The following TBX1 variants were observed in gnomAD, a reference collection of about 807,000 sequenced individuals.
TBX1 encodes T-box transcription factor TBX1.
A neutral mutation model predicts 40.8 loss-of-function variants in TBX1; 16 were observed. The ratio of observed to expected loss-of-function variants is 0.39; its 90% CI spans 0.27 to 0.60. TBX1 has a LOEUF of 0.60. TBX1 is among the 20% of genes least tolerant of loss of function. TBX1 has a pLI of 0.51. For missense variants in TBX1, 755 were observed against 728.5 expected, an observed-to-expected ratio of 1.04 and a Z score of -0.42; for synonymous variants, 403 against 336.8, an observed-to-expected ratio of 1.20 and a Z score of -2.15.
At chr22:19,767,813 G>C (rs1936914338), downstream of TBX1, among the ~76,000 whole-genome samples, 1 of 152,242 alleles carries the variant, frequency 6.6e-6, no homozygotes, top group South Asian at 2.1e-4. Flanking sequence ...CCCCTGACCG[G>C]GATGGGGTCA....
downstream of TBX1, among the ~76,000 whole-genome samples, chr22:19,770,049 G>A (rs35973679): frequency 0.52 from 79,435 of 151,920 alleles, 21,317 homozygotes; most frequent in African/African-American, 0.62. Context: ...TCGTCCCACC[G>A]CTGTTCCCCC....
At chr22:19,765,857 G>C (rs550907643) in intron 5 of TBX1, 32 bp downstream of exon 5, 241 of 1,577,014 alleles carry the variant, frequency 1.5e-4, no homozygotes, top group Non-Finnish European at 1.9e-4. Context: ...AGTGAGCGCC[G>C]GGCGCCTGGC....
chr22:19,761,379 C>CG, intron 1 of TBX1, 99 bp downstream of exon 1: 1 of 1,294,298 alleles, frequency 7.7e-7, no homozygotes, highest in Non-Finnish European at 9.8e-7. Context: ...AAAGCCGGGT[C>CG]GGGGGCGCGG....
At chr22:19,768,953 CTTTTT>C (rs36085623), downstream of TBX1, among the ~76,000 whole-genome samples, 1,198 of 66,082 alleles carry the variant, frequency 0.018, 25 homozygotes, top group East Asian at 0.058. Context: ...TGTTCGCATT[CTTTTT>C]TTTTTTTTTT....
In TBX1 at chr22:19,765,626, G is replaced by A. The variant is rs1363862272; in HGVS notation, c.868-132G>A. On this transcript the variant is annotated intron_variant, in intron 4 of 6. Coordinates refer to ENST00000649276, the MANE Select transcript of TBX1 (RefSeq NM_001379200.1). ...CCAGCTCCGTAGAGGAGGGGCAGAC[G>A]TGGACTGGTTCTTGTCAGGGCAGCA... 9 of 981,460 alleles carry A rather than the reference G, an allele frequency of 9.2e-6. No homozygotes were observed. The South Asian group carries it at 1.1e-4, about 12-fold the overall frequency. The allele number at this position is 981,460 out of a possible 1,614,324, so 60.8% of individuals were successfully genotyped here.
intron 2 of TBX1, 35 bp from the exon 3 acceptor site, chr22:19,764,120 C>T: frequency 6.2e-7 from 1 of 1,611,416 alleles, no homozygotes; most frequent in South Asian, 1.1e-5. Flanking sequence ...CTGGGTTCAC[C>T]TCCACATGCA....
downstream of TBX1, chr22:19,767,335 G>A (rs1936899816): frequency 1.0e-6 from 1 of 987,656 alleles, no homozygotes; most frequent in Non-Finnish European, 1.2e-6. Flanking sequence ...TCTTTTGGAA[G>A]CCGCCTGCGT....
chr22:19,763,082 A>G (rs1482687409), intron 1 of TBX1, among the ~76,000 whole-genome samples, 159 bp from the exon 2 acceptor site: 1 of 152,090 alleles, frequency 6.6e-6, no homozygotes, highest in Non-Finnish European at 1.5e-5. Context: ...CCCAGATTAG[A>G]GCAGCTAAGC....
In TBX1 at chr22:19,761,119, C is replaced by T; in HGVS notation, c.276C>T (p.Ala92=). 7.7e-7 allele frequency: 1 copy of T among 1,292,938 alleles called. No individual in the cohort carries two copies. The highest frequency in any genetic ancestry group is 1.0e-6 in the Non-Finnish European group (1 of 1,003,928). 80.1% of individuals were successfully genotyped at this position (1,292,938 alleles called of 1,614,324 possible). A position where few individuals can be genotyped will look rare whatever the true frequency, so the allele number is the denominator to read the frequency against. Residue 92 remains alanine, a synonymous_variant, in exon 1 of 7, where the codon GCC becomes GCT. Transcript: ENST00000649276. ...APAAGAATSA[A]AEPEGPGASC... ...CCGCCGGGGCCGCCACCAGCGCCGC[C>T]GCCGAGCCCGAGGGCCCCGGGGCCA...
chr22:19,759,248 G>C (rs1030983014), upstream of TBX1, among the ~76,000 whole-genome samples: 2 of 152,238 alleles, frequency 1.3e-5, no homozygotes, highest in African/African-American at 2.4e-5. Flanking sequence ...ATGGAGGAAG[G>C]GGGCAGGGAG....
downstream of TBX1, chr22:19,782,839 T>C: frequency 1.2e-6 from 2 of 1,613,054 alleles, no homozygotes; most frequent in South Asian, 2.2e-5. Context: ...CAAGCCTTAT[T>C]TGATAAAGGC....
downstream of TBX1, chr22:19,767,418 C>G: frequency 1.0e-6 from 1 of 983,132 alleles, no homozygotes; most frequent in Non-Finnish European, 1.2e-6. Context: ...GCTCAGGGCC[C>G]TCAGGGCCTC....
chr22:19,769,629 C>G (rs1256549579), downstream of TBX1, among the ~76,000 whole-genome samples: 1 of 152,260 alleles, frequency 6.6e-6, no homozygotes, highest in African/African-American at 2.4e-5. Context: ...GCCCCAGCCA[C>G]TACCGTTCCT....
At chr22:19,763,468 C>T in intron 2 of TBX1, 126 bp downstream of exon 2, 1 of 785,086 alleles carries the variant, frequency 1.3e-6, no homozygotes, top group Non-Finnish European at 2.1e-6. Flanking sequence ...GCGATGCTGC[C>T]CGATCAACCC....
intron 1 of TBX1, 129 bp downstream of exon 1, chr22:19,761,409 C>T: frequency 8.1e-7 from 1 of 1,238,242 alleles, no homozygotes; most frequent in South Asian, 2.8e-5. Context: ...CTGCGGGCCC[C>T]TCTGGGCCCC....
downstream of TBX1, chr22:19,779,661 AAT>A (rs1266777424): frequency 3.4e-6 from 3 of 875,852 alleles, no homozygotes; most frequent in Admixed American, 3.2e-5. Flanking sequence ...AACACTTCTA[AAT>A]ATTTAATGGA....
intron 8 of TBX1, among the ~76,000 whole-genome samples, chr22:19,777,609 G>C (rs1937086235): frequency 6.6e-6 from 1 of 152,242 alleles, no homozygotes; most frequent in East Asian, 1.9e-4. Flanking sequence ...CTCTTATAAA[G>C]AGCGTGCTGG....
At chr22:19,783,229 T>C (rs1937159388), downstream of TBX1, 6 of 589,932 alleles carry the variant, frequency 1.0e-5, no homozygotes, top group East Asian at 1.8e-4. Context: ...CTGCTCTGTT[T>C]GAGGTGGTTT....
intron 8 of TBX1, chr22:19,779,160 AAG>A: frequency 6.3e-7 from 1 of 1,592,500 alleles, no homozygotes; most frequent in Non-Finnish European, 8.6e-7. Context: ...TCTGCAAGAA[AAG>A]AGAGGCACCT....
Sources: allele counts gnomAD v4.1 joint callset (sites outside exome capture counted in the v4.1 genomes callset), GRCh38; gene constraint gnomAD v4.1.1; transcripts MANE v1.5; gene names NCBI Gene and HGNC (gene_info 2026-07-23, HGNC 2026-07-21).